TTC21A: variants seen among roughly 807,000 people sequenced by gnomAD.
The protein encoded by TTC21A is tetratricopeptide repeat domain 21A.
A neutral mutation model predicts 156.4 loss-of-function variants in TTC21A; 128 were observed. That is an observed-to-expected ratio of 0.82 (90% confidence interval 0.71 to 0.95). The LOEUF is 0.95. TTC21A is among the 40% of genes least tolerant of loss of function. The probability of loss-of-function intolerance (pLI) is 0.00; values close to 1 mark genes in which losing one functional copy is unlikely to be tolerated. For synonymous variants in TTC21A, 587 were observed against 617.1 expected (o/e 0.95, Z 0.72); for missense variants, 1,435 against 1,602.3 (o/e 0.90, Z 1.78).
At position 39,121,087 on chromosome 3, in the gene TTC21A, G is replaced by A. The variant is rs767249879; in HGVS notation, c.991G>A (p.Glu331Lys). ...ATPSYVHVAT[E>K]LGYLFILKNQ... Reference sequence around the variant, plus strand: ...CCCCTCGTATGTCCATGTGGCCACAGAACTGGGCTATCTCTTCATCCTGAA... The same window carrying A: ...CCCCTCGTATGTCCATGTGGCCACAAAACTGGGCTATCTCTTCATCCTGAA... Residue 331 changes from glutamate (E) to lysine (K), a missense_variant, in exon 9 of 29, where the codon GAA (glutamate) becomes AAA (lysine). Coordinates refer to ENST00000683103, the MANE Select transcript of TTC21A (RefSeq NM_001366900.1). 6.2e-7 allele frequency: 1 copy of A among 1,614,038 alleles called. No homozygotes were observed. The highest frequency in any genetic ancestry group is 8.5e-7 in the Non-Finnish European group (1 of 1,180,024).
intron 9 of TTC21A, 95 bp from the exon 10 acceptor site, chr3:39,124,968 C>T: frequency 1.2e-6 from 1 of 816,816 alleles, no homozygotes; most frequent in Non-Finnish European, 2.2e-6. Context: ...ACTGAGACAT[C>T]TTCCTTCCAC....
rs2036411590 is a variant in TTC21A at position 39,108,201 on chromosome 3, G to T, written c.27+337G>T. The T allele has an allele frequency of 1.1e-5, 6 of 523,550 alleles. No individual in the cohort carries two copies. The South Asian group carries it at 1.5e-4, about 13-fold the overall frequency. The allele number at this position is 523,550 out of a possible 1,614,324, so 32.4% of individuals were successfully genotyped here. ...GATGGCTTCACCATTTAATCTCCTA[G>T]CCTTAACTCATACCTCTTCCCTATA... On this transcript the variant is annotated intron_variant, in intron 1 of 28. Transcript: ENST00000683103.
chr3:39,132,899 G>C (rs544749799), intron 19 of TTC21A, 153 bp from the exon 20 acceptor site: 32 of 730,186 alleles, frequency 4.4e-5, no homozygotes, highest in African/African-American at 8.9e-5. Flanking sequence ...TACTCAGCCA[G>C]TGGCTTTGCC....
At position 39,108,722 on chromosome 3, in the gene TTC21A, A is replaced by G. The variant is rs114453855; in HGVS notation, c.28-363A>G. ...GAGGACCATGCACAGGATAGTGGAT[A>G]TGAAGCCCACAATAACTTGTAACTA... is the stretch of plus-strand genomic sequence containing the variant. On this transcript the variant is annotated intron_variant, in intron 1 of 28. Coordinates refer to ENST00000683103, the MANE Select transcript of TTC21A (RefSeq NM_001366900.1). 5.3e-3 allele frequency among the ~76,000 whole-genome samples: 807 copies of G among 152,360 alleles called. 7 individuals are homozygous for G. Among genetic ancestry groups the G allele is most frequent in the African/African-American group, 0.015 (618 of 41,578 alleles).
In TTC21A at chr3:39,109,854, A is replaced by G. The variant is rs896030930; in HGVS notation, c.158-175A>G. ...TTTCCAGCCCCTAACAGCCTGGACC[A>G]TGTTACCAGCAACTCTTTCAAAGAG... is the stretch of plus-strand genomic sequence containing the variant. On this transcript the variant is annotated intron_variant, in intron 2 of 28. Transcript: ENST00000683103. 7.2e-5 allele frequency among the ~76,000 whole-genome samples: 11 copies of G among 152,220 alleles called. 1 individual carries two copies. Among genetic ancestry groups the G allele is most frequent in the Admixed American group, 5.9e-4 (9 of 15,286 alleles).
intron 6 of TTC21A, among the ~76,000 whole-genome samples, chr3:39,116,750 A>G (rs2037323463): frequency 6.6e-6 from 1 of 152,208 alleles, no homozygotes; most frequent in African/African-American, 2.4e-5. Flanking sequence ...AGTTATGGGT[A>G]TGAGCCACCA....
intron 20 of TTC21A, among the ~76,000 whole-genome samples, chr3:39,133,955 C>T (rs1378396209): frequency 6.6e-6 from 1 of 152,172 alleles, no homozygotes; most frequent in African/African-American, 2.4e-5. Flanking sequence ...AGAGGGCTCT[C>T]AGAGCAGTGA....
chr3:39,126,477 C>A, intron 12 of TTC21A, 87 bp downstream of exon 12: 5 of 108,830 alleles, frequency 4.6e-5, no homozygotes, highest in South Asian at 1.6e-4. Context: ...TAGGATACTA[C>A]ACACACACAC....
chr3:39,110,136 A>G lies in TTC21A; in HGVS notation c.265A>G (p.Ile89Val), dbSNP rs1379219149. ...LIYAHKRCEIIDREAIQELEY... is the reference protein window; with the variant it reads ...LIYAHKRCEIVDREAIQELEY... ...TTATGCTCACAAAAGATGTGAAATC[A>G]TTGGTGAGTGCCACCATGCTCAACC... Residue 89 changes from isoleucine (I) to valine (V), a missense_variant, in exon 3 of 29, where the codon ATT becomes GTT. Transcript: ENST00000683103. The G allele has an allele frequency of 6.2e-7, 1 of 1,611,658 alleles. No homozygotes were observed. Among genetic ancestry groups the G allele is most frequent in the Admixed American group, 1.7e-5 (1 of 60,016 alleles).
chr3:39,123,969 A>G (rs964081819), intron 9 of TTC21A, among the ~76,000 whole-genome samples: 1 of 152,160 alleles, frequency 6.6e-6, no homozygotes, highest in Non-Finnish European at 1.5e-5. Flanking sequence ...TTAAATGAAA[A>G]CTAGTTACTT....
Position 39,125,114 on chromosome 3 carries a change from G to A in TTC21A, c.1145G>A (p.Arg382Gln), listed in dbSNP as rs200572845. 1.7e-5 allele frequency: 27 copies of A among 1,613,856 alleles called. No homozygotes were observed. The highest frequency in any genetic ancestry group is 4.5e-5 in the East Asian group (2 of 44,894). ...GGCCACCTGGAGGAAGCTGAGTACC[G>A]GCTGGAATTCCTGAAGGAGGTGCAG... ...LEGHLEEAEY[R>Q]LEFLKEVQKS... The change falls in exon 10 of 29, where the codon CGG becomes CAG. Residue 382 changes from arginine (R) to glutamine (Q), a missense_variant. Physicochemically the swap from Arg to Gln is conservative, Grantham distance 43. Coordinates refer to ENST00000683103, the MANE Select transcript of TTC21A (RefSeq NM_001366900.1).
chr3:39,132,567 A>G (rs1016824286), intron 19 of TTC21A, among the ~76,000 whole-genome samples: 1 of 152,180 alleles, frequency 6.6e-6, no homozygotes, highest in African/African-American at 2.4e-5. Flanking sequence ...ATTCCTACCC[A>G]TGTCCTACAG....
chr3:39,130,395 C>G lies in TTC21A; in HGVS notation c.2319+37C>G. The G allele has an allele frequency of 6.5e-7, 1 of 1,540,854 alleles. No homozygotes were observed. The highest frequency in any genetic ancestry group is 8.9e-7 in the Non-Finnish European group (1 of 1,123,828). On this transcript the variant is annotated intron_variant, in intron 17 of 28. Transcript: ENST00000683103. This position sits in a 1 kb window ranked among gnomAD's most constrained non-coding sequence, Gnocchi z 4.5. ...CTAGGGTGTGAAGGGGCAGGGAGGGCCAGCCCAGCAGGGAAGGAGGAGGAC... is the reference window on the plus strand; with the variant it reads ...CTAGGGTGTGAAGGGGCAGGGAGGGGCAGCCCAGCAGGGAAGGAGGAGGAC...
chr3:39,138,750 G>T lies in TTC21A; in HGVS notation c.3904G>T (p.Glu1302Ter), dbSNP rs568578264. 10 of 1,613,986 alleles carry T rather than the reference G, an allele frequency of 6.2e-6. No individual in the cohort carries two copies. The highest frequency in any genetic ancestry group is 1.3e-5 in the African/African-American group (1 of 74,916). ...CCCCGACTACCCCAAGATCAGGGAG[G>T]AAATTTTGGAAAAGGCCCGAAGGTC... Reference protein sequence around the residue: ...EHPDYPKIREEILEKARRSLR... With the variant: ...EHPDYPKIRE The change falls in exon 29 of 29, where the codon GAA becomes TAA. Residue 1302 changes from glutamate (E) to a stop codon, truncating the protein, a stop_gained. Transcript: ENST00000683103. LOFTEE classifies it high-confidence loss of function.
chr3:39,118,663 A>G (rs1484461497), intron 7 of TTC21A: 3 of 154,564 alleles, frequency 1.9e-5, no homozygotes, highest in Admixed American at 1.9e-4. Flanking sequence ...CATGCTCGTA[A>G]GTCTTGTAGT....
Position 39,135,147 on chromosome 3 carries a change from TACC to T in TTC21A, c.2922_2924del (p.His974del), listed in dbSNP as rs1317975099. On this transcript the variant is annotated inframe_deletion, in exon 22 of 29. Coordinates refer to ENST00000683103, the MANE Select transcript of TTC21A (RefSeq NM_001366900.1). ...GAAACATGAAGCGGCCATCAATCTTTACCACCAAGTCTTGGAGAAAGCGCCAGG... is the reference window on the plus strand; with the variant it reads ...GAAACATGAAGCGGCCATCAATCTTTACCAAGTCTTGGAGAAAGCGCCAGG... 1.2e-6 allele frequency: 2 copies of T among 1,614,194 alleles called. No individual in the cohort carries two copies. The highest frequency in any genetic ancestry group is 8.5e-7 in the Non-Finnish European group (1 of 1,180,036).
At chr3:39,111,287 A>G (rs1174418562) in intron 4 of TTC21A, among the ~76,000 whole-genome samples, 1 of 152,110 alleles carries the variant, frequency 6.6e-6, no homozygotes, top group Non-Finnish European at 1.5e-5. Context: ...TTGAGACCTC[A>G]CTGCAGCCTC....
At chr3:39,114,520 C>G in intron 5 of TTC21A, 65 bp from the exon 6 acceptor site, 1 of 1,523,982 alleles carries the variant, frequency 6.6e-7, no homozygotes, top group Non-Finnish European at 9.1e-7. Flanking sequence ...GAGACAACCC[C>G]CCTCCAGCAA....
chr3:39,136,228 G>A, intron 22 of TTC21A, 129 bp from the exon 23 acceptor site: 1 of 873,516 alleles, frequency 1.1e-6, no homozygotes, highest in Non-Finnish European at 1.8e-6. Context: ...TGGAGACTCT[G>A]GAGCTGTTGG....
Sources: allele counts gnomAD v4.1 joint callset (sites outside exome capture counted in the v4.1 genomes callset), GRCh38; gene constraint gnomAD v4.1.1; non-coding constraint Gnocchi (gnomAD v3.1); transcripts MANE v1.5; gene names NCBI Gene and HGNC (gene_info 2026-07-23, HGNC 2026-07-21).